WFDC1: variants seen among roughly 807,000 people sequenced by gnomAD.
The protein encoded by WFDC1 is WAP four-disulfide core domain 1.
WFDC1 carries 39 observed loss-of-function variants against 32.9 expected under a neutral mutation model. That is an observed-to-expected ratio of 1.19 (90% CI 0.92 to 1.55). The LOEUF (loss-of-function observed/expected upper bound fraction) is 1.55. WFDC1 is among the 40% of genes most tolerant of loss of function. The pLI is 0.00. For synonymous variants in WFDC1, 184 were observed against 137.4 expected, an observed-to-expected ratio of 1.34 and a Z score of -2.37; for missense variants, 386 against 309.5, an observed-to-expected ratio of 1.25 and a Z score of -1.85.
intron 1 of WFDC1, among the ~76,000 whole-genome samples, chr16:84,304,338 C>T (rs1423498125): frequency 2.0e-5 from 3 of 152,228 alleles, no homozygotes; most frequent in East Asian, 1.9e-4. Context: ...AAATGATTCT[C>T]CTGCCTCAGC....
chr16:84,305,139 C>T (rs1165040051), intron 1 of WFDC1, among the ~76,000 whole-genome samples: 1 of 152,242 alleles, frequency 6.6e-6, no homozygotes, highest in African/African-American at 2.4e-5. Flanking sequence ...GAGGGTGATA[C>T]TGAAGATTCA....
intron 1 of WFDC1, among the ~76,000 whole-genome samples, chr16:84,304,909 C>A (rs895617453): frequency 6.6e-5 from 10 of 152,232 alleles, no homozygotes; most frequent in African/African-American, 1.4e-4. Context: ...GGGGAGAGAG[C>A]CCCTGGACTG....
chr16:84,314,409 G>A (rs931976076), intron 2 of WFDC1, among the ~76,000 whole-genome samples: 4 of 152,122 alleles, frequency 2.6e-5, no homozygotes, highest in Non-Finnish European at 5.9e-5. Flanking sequence ...CTCTGCTCAG[G>A]GTGATAACAA....
chr16:84,315,855 C>T (rs1004750005), intron 2 of WFDC1, among the ~76,000 whole-genome samples: 3 of 152,198 alleles, frequency 2.0e-5, no homozygotes, highest in African/African-American at 7.2e-5. Context: ...AAAGCAGACC[C>T]AGAGACAAGG....
At chr16:84,324,898 C>G (rs572289325) in intron 5 of WFDC1, among the ~76,000 whole-genome samples, 14 of 151,770 alleles carry the variant, frequency 9.2e-5, no homozygotes, top group Admixed American at 6.6e-5. Flanking sequence ...CATCCATCCT[C>G]TCATTCATCC....
At chr16:84,314,957 C>T (rs3785051) in intron 2 of WFDC1, among the ~76,000 whole-genome samples, 7,760 of 152,310 alleles carry the variant, frequency 0.051, 588 homozygotes, top group African/African-American at 0.17. Flanking sequence ...CACGCTCACA[C>T]AGCTTGATGA....
intron 5 of WFDC1, chr16:84,325,810 C>G (rs894876846): frequency 1.3e-5 from 2 of 152,222 alleles, no homozygotes; most frequent in African/African-American, 4.8e-5. Context: ...CTCCATCCAA[C>G]CATCCTTATA....
chr16:84,313,707 C>T (rs551559007), intron 2 of WFDC1, among the ~76,000 whole-genome samples: 1 of 152,176 alleles, frequency 6.6e-6, no homozygotes, highest in Non-Finnish European at 1.5e-5. Context: ...AGGTGGAGAC[C>T]AGGAGCTTAG....
intron 5 of WFDC1, chr16:84,326,069 C>T (rs1413571361): frequency 6.8e-6 from 1 of 147,824 alleles, no homozygotes; most frequent in Non-Finnish European, 1.5e-5. Context: ...ATCTATCCAT[C>T]CATCCATATA....
chr16:84,299,150 C>T lies in WFDC1; in HGVS notation c.144+4035C>T, dbSNP rs566699386. On this transcript the variant is annotated intron_variant, in intron 1 of 6. Coordinates refer to ENST00000219454, the MANE Select transcript of WFDC1 (RefSeq NM_021197.4). ...CCAAGGCAGGCAGATCTCCTGAGGT[C>T]GGGAGTTCAAAACCAGCCTGACCAA... is the stretch of plus-strand genomic sequence containing the variant. 2.2e-4 allele frequency among the ~76,000 whole-genome samples: 34 copies of T among 152,176 alleles called. 1 individual carries two copies. The highest frequency in any genetic ancestry group is 2.1e-3 in the Admixed American group (32 of 15,284).
At chr16:84,323,314 C>G (rs537686790) in intron 4 of WFDC1, among the ~76,000 whole-genome samples, 2 of 152,310 alleles carry the variant, frequency 1.3e-5, no homozygotes, top group East Asian at 3.9e-4. Context: ...CGCATATGTG[C>G]TTGATTAACC....
intron 1 of WFDC1, among the ~76,000 whole-genome samples, chr16:84,299,232 C>G (rs191492560): frequency 5.3e-5 from 8 of 152,150 alleles, no homozygotes; most frequent in African/African-American, 1.9e-4. Flanking sequence ...GGCATGGTGG[C>G]GCATGCCTGT....
intron 1 of WFDC1, 92 bp from the exon 2 acceptor site, chr16:84,312,869 C>T: frequency 1.3e-6 from 1 of 782,134 alleles, no homozygotes; most frequent in Non-Finnish European, 1.6e-6. Flanking sequence ...CTCAGAGAGG[C>T]CCGGCGCACT....
rs1488620209 is a variant in WFDC1 at position 84,305,809 on chromosome 16, C to G, written c.145-7152C>G. Among the ~76,000 whole-genome samples, 4 of 151,732 alleles carry G rather than the reference C, an allele frequency of 2.6e-5. No homozygotes were observed. The East Asian group carries it at 7.8e-4, about 29-fold the overall frequency. On this transcript the variant is annotated intron_variant, in intron 1 of 6. Coordinates refer to ENST00000219454, the MANE Select transcript of WFDC1 (RefSeq NM_021197.4). ...CTGAGCTCAGGAGTTCAAGACCATC[C>G]TGGGCAACAAGGCAAAACCCCATCT...
At chr16:84,302,760 T>TGTGG (rs1460869462) in intron 1 of WFDC1, among the ~76,000 whole-genome samples, 14 of 152,222 alleles carry the variant, frequency 9.2e-5, no homozygotes, top group Non-Finnish European at 1.8e-4. Context: ...TGTCTCTGAC[T>TGTGG]TGTCCTGAAA....
chr16:84,298,547 C>A (rs1448798108), intron 1 of WFDC1, among the ~76,000 whole-genome samples: 1 of 152,182 alleles, frequency 6.6e-6, no homozygotes, highest in Non-Finnish European at 1.5e-5. Context: ...CATTCAGTGG[C>A]CTCACGTGGG....
At chr16:84,299,236 T>TGC in intron 1 of WFDC1, among the ~76,000 whole-genome samples, 1 of 152,060 alleles carries the variant, frequency 6.6e-6, no homozygotes, top group Non-Finnish European at 1.5e-5. Flanking sequence ...TGGTGGCGCA[T>TGC]GCCTGTAATC....
At chr16:84,310,635 C>A (rs905093206) in intron 1 of WFDC1, among the ~76,000 whole-genome samples, 3 of 152,164 alleles carry the variant, frequency 2.0e-5, no homozygotes, top group African/African-American at 7.2e-5. Context: ...GTGTATCCTT[C>A]CAAAAACGTT....
chr16:84,297,502 A>C (rs1292688733), intron 1 of WFDC1, among the ~76,000 whole-genome samples: 4 of 151,764 alleles, frequency 2.6e-5, no homozygotes, highest in Non-Finnish European at 5.9e-5. Flanking sequence ...CTGTAATCCC[A>C]GCTACTCAGA....
Sources: gnomAD v4.1 joint callset for allele counts (sites outside exome capture counted in the v4.1 genomes callset) on GRCh38, gnomAD v4.1.1 for gene constraint, MANE v1.5 for transcripts, NCBI Gene and HGNC (gene_info 2026-07-23, HGNC 2026-07-21) for gene names.